The following DLG2 variants were observed in gnomAD, a reference collection of about 807,000 sequenced individuals.
DLG2 encodes discs large MAGUK scaffold protein 2.
A neutral mutation model predicts 132.5 loss-of-function variants in DLG2; 45 were observed. The ratio of observed to expected loss-of-function variants is 0.34; its 90% CI spans 0.27 to 0.44. DLG2 has a LOEUF of 0.44. Ranked by LOEUF, DLG2 falls within the 20% of genes least tolerant of loss-of-function variation. The probability of loss-of-function intolerance (pLI) is 1.00; values close to 1 mark genes in which losing one functional copy is unlikely to be tolerated. For missense variants in DLG2, 1,045 were observed against 1,196.9 expected (o/e 0.87, Z 1.87); for synonymous variants, 424 against 419.6 (o/e 1.01, Z -0.13).
At chr11:83,812,166 T>G (rs2047470186) in intron 17 of DLG2, among the ~76,000 whole-genome samples, 1 of 152,144 alleles carries the variant, frequency 6.6e-6, no homozygotes, top group Non-Finnish European at 1.5e-5. Context: ...GGAAGCTCAA[T>G]TCAAATCCTA....
chr11:83,779,388 A>G (rs571497482), intron 18 of DLG2, among the ~76,000 whole-genome samples: 121 of 152,244 alleles, frequency 7.9e-4, no homozygotes, highest in Non-Finnish European at 1.6e-3. Flanking sequence ...TGTATACATC[A>G]TTCAGTTGTG....
At chr11:83,828,450 T>C (rs1159126134) in intron 17 of DLG2, among the ~76,000 whole-genome samples, 5 of 152,230 alleles carry the variant, frequency 3.3e-5, no homozygotes, top group Non-Finnish European at 5.9e-5. Flanking sequence ...TGTAAGTTAC[T>C]CCTTATGTAA....
chr11:85,177,764 T>C (rs1317574784), intron 4 of DLG2, among the ~76,000 whole-genome samples: 3 of 152,158 alleles, frequency 2.0e-5, no homozygotes, highest in African/African-American at 7.2e-5. Context: ...ATCTGGAAGC[T>C]ACCTTAACCA....
At chr11:83,518,343 G>A (rs1486598365) in intron 21 of DLG2, among the ~76,000 whole-genome samples, 1 of 152,248 alleles carries the variant, frequency 6.6e-6, no homozygotes, top group Non-Finnish European at 1.5e-5. Context: ...TAATCTCCTG[G>A]TGTGACGTTT....
intron 6 of DLG2, among the ~76,000 whole-genome samples, chr11:84,576,344 T>C (rs1235318286): frequency 6.6e-6 from 1 of 152,222 alleles, no homozygotes; most frequent in Non-Finnish European, 1.5e-5. Flanking sequence ...AAAGAATGAA[T>C]GAATTATATT....
At position 83,874,451 on chromosome 11, in the gene DLG2, T is replaced by C. The variant is rs747975067; in HGVS notation, c.1534A>G (p.Met512Val). The change falls in exon 16 of 28, where the codon ATG (methionine) becomes GTG (valine). Residue 512 changes from methionine (M) to valine (V), a missense_variant. By Grantham distance (21) the Met-to-Val change is conservative. Around this residue, in one of 4 missense-constraint regions of DLG2, gnomAD observed 261 missense variants for 256.1 expected, o/e 1.02. Coordinates refer to ENST00000376104, the MANE Select transcript of DLG2 (RefSeq NM_001142699.3). Reference protein sequence around the residue: ...QHSTATRQPSMTLQRAVSLEG... With the variant: ...QHSTATRQPSVTLQRAVSLEG... Reference sequence around the variant, plus strand: ...AGGGAGACGGCCCGTTGGAGAGTCATTGAAGGCTGACGAGTTGCGGTGCTA... The same window carrying C: ...AGGGAGACGGCCCGTTGGAGAGTCACTGAAGGCTGACGAGTTGCGGTGCTA... The C allele has an allele frequency of 2.1e-5, 33 of 1,601,906 alleles. No individual in the cohort carries two copies. Among genetic ancestry groups the C allele is most frequent in the African/African-American group, 8.0e-5 (6 of 74,716 alleles).
At chr11:84,137,952 C>G (rs566326427) in intron 9 of DLG2, among the ~76,000 whole-genome samples, 1 of 152,236 alleles carries the variant, frequency 6.6e-6, no homozygotes, top group South Asian at 2.1e-4. Context: ...CAAGAATCCC[C>G]TTGTTAGCTG....
intron 3 of DLG2, among the ~76,000 whole-genome samples, chr11:85,476,793 T>A (rs900795658): frequency 6.6e-6 from 1 of 152,140 alleles, no homozygotes; most frequent in Non-Finnish European, 1.5e-5. Flanking sequence ...TGATTAACAA[T>A]GCCTTCTTCT....
chr11:84,932,140 A>G (rs1297723237), intron 6 of DLG2, among the ~76,000 whole-genome samples: 1 of 151,936 alleles, frequency 6.6e-6, no homozygotes, highest in Non-Finnish European at 1.5e-5. Flanking sequence ...CCATTTGTCA[A>G]TTTTTGCTTT....
chr11:83,590,831 T>C (rs1000594235), intron 19 of DLG2, among the ~76,000 whole-genome samples: 105 of 152,102 alleles, frequency 6.9e-4, no homozygotes, highest in Non-Finnish European at 1.3e-3. Context: ...CTCACAGAAA[T>C]ACAAACTACC....
intron 6 of DLG2, among the ~76,000 whole-genome samples, chr11:84,999,865 C>G (rs2058043278): frequency 6.6e-6 from 1 of 152,078 alleles, no homozygotes; most frequent in Admixed American, 6.6e-5. Flanking sequence ...GGAAATAAAC[C>G]TTGCATACAT....
At chr11:83,827,483 C>A (rs2053205656) in intron 17 of DLG2, among the ~76,000 whole-genome samples, 1 of 152,156 alleles carries the variant, frequency 6.6e-6, no homozygotes, top group Admixed American at 6.5e-5. Flanking sequence ...ATTTGGAAAT[C>A]CAGTTACCTA....
At chr11:85,148,736 A>C (rs1294633806) in intron 5 of DLG2, among the ~76,000 whole-genome samples, 1 of 152,214 alleles carries the variant, frequency 6.6e-6, no homozygotes, top group Admixed American at 6.5e-5. Flanking sequence ...TTTGCTGTGC[A>C]GAAGCTCTGT....
In DLG2 at chr11:85,383,733, G is replaced by T. The variant is rs189373857; in HGVS notation, c.41-98368C>A. 1.4e-4 allele frequency among the ~76,000 whole-genome samples: 21 copies of T among 152,196 alleles called. 1 individual carries two copies. Among genetic ancestry groups the T allele is most frequent in the African/African-American group, 4.1e-4 (17 of 41,530 alleles). On this transcript the variant is annotated intron_variant, in intron 3 of 27. Coordinates refer to ENST00000376104, the MANE Select transcript of DLG2 (RefSeq NM_001142699.3). ...TCAGAAAAAGAATACTTCAATGCTA[G>T]AAATTGCTTCCTTCTGCCTAATAAA...
At chr11:84,734,578 T>C (rs1167205708) in intron 6 of DLG2, among the ~76,000 whole-genome samples, 3 of 152,196 alleles carry the variant, frequency 2.0e-5, no homozygotes, top group African/African-American at 2.4e-5. Flanking sequence ...TCATGTCATC[T>C]GCAGACAGGG....
chr11:84,978,471 A>G (rs2055238783), intron 6 of DLG2, among the ~76,000 whole-genome samples: 2 of 152,156 alleles, frequency 1.3e-5, no homozygotes, highest in Non-Finnish European at 2.9e-5. Context: ...ACATAGACCA[A>G]TGGAACAGAA....
intron 6 of DLG2, among the ~76,000 whole-genome samples, chr11:84,741,056 C>CTT (rs1163275954): frequency 0.11 from 8,607 of 79,346 alleles, 1,819 homozygotes; most frequent in African/African-American, 0.15. Context: ...TGCCTATGCT[C>CTT]TTTTTTTTTT....
At chr11:85,013,557 A>C (rs573082711) in intron 6 of DLG2, among the ~76,000 whole-genome samples, 1 of 152,228 alleles carries the variant, frequency 6.6e-6, no homozygotes, top group African/African-American at 2.4e-5. Flanking sequence ...ACAAATTATC[A>C]GCTCCTGTTC....
chr11:84,833,905 C>T (rs1479402724), intron 6 of DLG2, among the ~76,000 whole-genome samples: 1 of 151,598 alleles, frequency 6.6e-6, no homozygotes, highest in Non-Finnish European at 1.5e-5. Flanking sequence ...GAGTTATGTA[C>T]ATACTTGTAA....
Sources: allele counts gnomAD v4.1 joint callset (sites outside exome capture counted in the v4.1 genomes callset), GRCh38; gene constraint gnomAD v4.1.1; regional missense constraint gnomAD v4.1.1; transcripts MANE v1.5; gene names NCBI Gene and HGNC (gene_info 2026-07-23, HGNC 2026-07-21).